COL25A1: variants seen among roughly 807,000 people sequenced by gnomAD.
COL25A1 encodes collagen alpha-1(XXV) chain.
COL25A1 carries 103 observed loss-of-function variants against 128.4 expected under a neutral mutation model. The ratio of observed to expected loss-of-function variants is 0.80; its 90% CI spans 0.68 to 0.94. The LOEUF (loss-of-function observed/expected upper bound fraction) is 0.94. Among genes scored for constraint, COL25A1 ranks in the 40% least tolerant of loss-of-function variants. The probability of loss-of-function intolerance (pLI) is 0.00; values close to 1 mark genes in which losing one functional copy is unlikely to be tolerated. For missense variants in COL25A1, 745 were observed against 840.0 expected, an observed-to-expected ratio of 0.89 and a Z score of 1.40; for synonymous variants, 279 against 277.2, an observed-to-expected ratio of 1.01 and a Z score of -0.06.
intron 26 of COL25A1, among the ~76,000 whole-genome samples, chr4:108,851,277 C>T (rs963849441): frequency 1.3e-5 from 2 of 151,924 alleles, no homozygotes; most frequent in Non-Finnish European, 2.9e-5. Context: ...TAATGTTATA[C>T]AAGAAATCTA....
intron 5 of COL25A1, among the ~76,000 whole-genome samples, chr4:109,036,568 T>A (rs1407333636): frequency 1.3e-5 from 2 of 152,144 alleles, no homozygotes; most frequent in Non-Finnish European, 2.9e-5. Flanking sequence ...ATAATCCACA[T>A]AACTGGAAGT....
intron 5 of COL25A1, among the ~76,000 whole-genome samples, chr4:109,019,504 G>A (rs1247378149): frequency 6.6e-6 from 1 of 151,636 alleles, no homozygotes; most frequent in Non-Finnish European, 1.5e-5. Context: ...CATAGCTGGG[G>A]AGGCCTCAGG....
At chr4:108,956,360 C>A (rs1750073073) in intron 8 of COL25A1, among the ~76,000 whole-genome samples, 1 of 152,108 alleles carries the variant, frequency 6.6e-6, no homozygotes, top group African/African-American at 2.4e-5. Context: ...CTTAACCAGT[C>A]ACACAGTTCA....
chr4:109,119,716 TATATC>T (rs1287780170), intron 3 of COL25A1, among the ~76,000 whole-genome samples: 2 of 151,906 alleles, frequency 1.3e-5, no homozygotes, highest in African/African-American at 4.8e-5. Context: ...AAAGAGAAAG[TATATC>T]AATTCTCTAA....
At chr4:108,997,324 C>T (rs1041664914) in intron 6 of COL25A1, among the ~76,000 whole-genome samples, 3 of 152,076 alleles carry the variant, frequency 2.0e-5, no homozygotes, top group Non-Finnish European at 4.4e-5. Context: ...TACAAACTAC[C>T]ATCAGAGAAT....
chr4:109,200,880 T>C (rs1776508235), intron 3 of COL25A1, among the ~76,000 whole-genome samples: 1 of 152,168 alleles, frequency 6.6e-6, no homozygotes, highest in Admixed American at 6.5e-5. Context: ...TTCACTTGTA[T>C]AGCTTCAGCC....
intron 6 of COL25A1, among the ~76,000 whole-genome samples, chr4:108,995,069 G>A (rs1389907544): frequency 6.6e-6 from 1 of 152,206 alleles, no homozygotes; most frequent in Non-Finnish European, 1.5e-5. Context: ...TCCTCCAAAG[G>A]ATCACAGCTG....
chr4:109,169,028 T>C (rs1032208872), intron 3 of COL25A1, among the ~76,000 whole-genome samples: 1 of 152,078 alleles, frequency 6.6e-6, no homozygotes, highest in Non-Finnish European at 1.5e-5. Context: ...AATCTGATAA[T>C]GTCCTCTTGT....
At chr4:109,300,016 AAG>A (rs1725350255) in intron 3 of COL25A1, among the ~76,000 whole-genome samples, 1 of 152,178 alleles carries the variant, frequency 6.6e-6, no homozygotes, top group African/African-American at 2.4e-5. Flanking sequence ...CTGAGAATGC[AAG>A]AGTTTGTAAT....
At chr4:109,254,978 C>T (rs1205627417) in intron 3 of COL25A1, among the ~76,000 whole-genome samples, 2 of 152,174 alleles carry the variant, frequency 1.3e-5, no homozygotes, top group Non-Finnish European at 2.9e-5. Context: ...TGCACTAATG[C>T]AAATACAAGG....
At chr4:109,177,058 ACCTGAGAGGGATTTC>A (rs767184831) in intron 3 of COL25A1, among the ~76,000 whole-genome samples, 2 of 152,202 alleles carry the variant, frequency 1.3e-5, no homozygotes, top group African/African-American at 2.4e-5. Context: ...TAGGTGGGGT[ACCTGAGAGGGATTTC>A]CTAGTCTAGG....
At chr4:109,230,405 C>T (rs1174255466) in intron 3 of COL25A1, among the ~76,000 whole-genome samples, 1 of 152,104 alleles carries the variant, frequency 6.6e-6, no homozygotes, top group Non-Finnish European at 1.5e-5. Flanking sequence ...TATTATTGTA[C>T]CATAAACAGT....
intron 3 of COL25A1, among the ~76,000 whole-genome samples, chr4:109,289,033 A>G (rs1306382602): frequency 6.6e-6 from 1 of 151,712 alleles, no homozygotes; most frequent in Non-Finnish European, 1.5e-5. Context: ...TTGCTTACCT[A>G]AAGAACTGTT....
chr4:109,194,115 T>C (rs775100171), intron 3 of COL25A1, among the ~76,000 whole-genome samples: 9 of 152,196 alleles, frequency 5.9e-5, no homozygotes, highest in Non-Finnish European at 1.3e-4. Flanking sequence ...TTAGACTCTT[T>C]AATGACAAGA....
chr4:108,983,701 T>C (rs1225729235), intron 6 of COL25A1, among the ~76,000 whole-genome samples: 2 of 151,598 alleles, frequency 1.3e-5, no homozygotes, highest in African/African-American at 2.4e-5. Flanking sequence ...GGCTCAGGAG[T>C]GAAGCTGCGG....
chr4:109,039,022 C>T (rs1759616117), intron 5 of COL25A1, among the ~76,000 whole-genome samples: 1 of 152,112 alleles, frequency 6.6e-6, no homozygotes, highest in South Asian at 2.1e-4. Context: ...CCACTTCTAT[C>T]TCCTCTTCAT....
intron 5 of COL25A1, among the ~76,000 whole-genome samples, chr4:109,033,923 AAT>A (rs1460752984): frequency 1.3e-5 from 2 of 152,158 alleles, no homozygotes; most frequent in African/African-American, 4.8e-5. Context: ...TTAATTAAAA[AAT>A]AGATTCCCAA....
intron 8 of COL25A1, among the ~76,000 whole-genome samples, chr4:108,955,080 C>T (rs1749910359): frequency 6.6e-6 from 1 of 151,740 alleles, no homozygotes; most frequent in Non-Finnish European, 1.5e-5. Flanking sequence ...TTTTATGACT[C>T]ACATATGTGG....
At chr4:109,141,745 C>T (rs531737864) in intron 3 of COL25A1, among the ~76,000 whole-genome samples, 103 of 152,100 alleles carry the variant, frequency 6.8e-4, no homozygotes, top group African/African-American at 1.7e-3. Context: ...TATTCTCTGA[C>T]GGTTGTTTGT....
Sources: allele counts gnomAD v4.1 joint callset (sites outside exome capture counted in the v4.1 genomes callset), GRCh38; gene constraint gnomAD v4.1.1; transcripts MANE v1.5; gene names NCBI Gene and HGNC (gene_info 2026-07-23, HGNC 2026-07-21).